Variants in GLG1 observed in about 807,000 individuals in gnomAD.
The protein encoded by GLG1 is golgi glycoprotein 1.
A neutral mutation model predicts 160.5 loss-of-function variants in GLG1; 38 were observed. The ratio of observed to expected loss-of-function variants is 0.24; its 90% CI spans 0.18 to 0.31. GLG1 has a LOEUF of 0.31. Ranked by LOEUF, GLG1 falls within the 10% of genes least tolerant of loss-of-function variation. The probability of loss-of-function intolerance (pLI) is 1.00; values close to 1 mark genes in which losing one functional copy is unlikely to be tolerated. For missense variants in GLG1, 1,373 were observed against 1,505.2 expected (o/e 0.91, Z 1.45); for synonymous variants, 644 against 543.4 (o/e 1.19, Z -2.57).
intron 1 of GLG1, among the ~76,000 whole-genome samples, chr16:74,550,320 C>T (rs2018163695): frequency 6.6e-6 from 1 of 152,080 alleles, no homozygotes; most frequent in South Asian, 2.1e-4. Flanking sequence ...AGAAAGAGCT[C>T]GAAGTCTCAA....
intron 11 of GLG1, among the ~76,000 whole-genome samples, chr16:74,479,015 G>A (rs2015496969): frequency 8.4e-6 from 1 of 119,426 alleles, no homozygotes; most frequent in Non-Finnish European, 1.6e-5. Flanking sequence ...AGACCAACCT[G>A]GCCAACATGG....
At chr16:74,565,007 T>C (rs916121963) in intron 1 of GLG1, among the ~76,000 whole-genome samples, 3 of 152,214 alleles carry the variant, frequency 2.0e-5, no homozygotes, top group Non-Finnish European at 4.4e-5. Context: ...CATTTATGGA[T>C]GCCTAAAGTT....
chr16:74,476,516 G>A (rs142909967), intron 12 of GLG1, among the ~76,000 whole-genome samples: 1 of 152,252 alleles, frequency 6.6e-6, no homozygotes, highest in East Asian at 1.9e-4. Context: ...CTTCCAGAGG[G>A]GGTTTTGTAG....
At chr16:74,545,824 C>T (rs995642776) in intron 1 of GLG1, among the ~76,000 whole-genome samples, 1 of 152,168 alleles carries the variant, frequency 6.6e-6, no homozygotes, top group African/African-American at 2.4e-5. Context: ...TCATGCCTAC[C>T]ACTTCCAGTC....
At chr16:74,594,725 A>G (rs1369446015) in intron 1 of GLG1, among the ~76,000 whole-genome samples, 1 of 151,580 alleles carries the variant, frequency 6.6e-6, no homozygotes, top group Admixed American at 6.6e-5. Flanking sequence ...ACTCATGAAC[A>G]AGATTAGGAG....
At chr16:74,553,847 G>C (rs1398812370) in intron 1 of GLG1, among the ~76,000 whole-genome samples, 1 of 152,050 alleles carries the variant, frequency 6.6e-6, no homozygotes, top group Admixed American at 6.5e-5. Context: ...TATCATTTTG[G>C]TCTTCTTGTG....
intron 1 of GLG1, among the ~76,000 whole-genome samples, chr16:74,564,316 T>C (rs909582377): frequency 2.0e-5 from 3 of 152,190 alleles, no homozygotes; most frequent in Non-Finnish European, 4.4e-5. Context: ...TTGAAATGAG[T>C]AGATTGTTTA....
intron 2 of GLG1, among the ~76,000 whole-genome samples, chr16:74,511,889 C>T (rs891716456): frequency 3.3e-5 from 5 of 152,074 alleles, no homozygotes; most frequent in African/African-American, 1.2e-4. Context: ...AGAACCATGA[C>T]AGTATTGTCA....
rs2016962044 is a variant in GLG1 at position 74,515,877 on chromosome 16, A to T, written c.472-6952T>A. Among the ~76,000 whole-genome samples, 2 of 150,160 alleles carry T rather than the reference A, an allele frequency of 1.3e-5. 1 individual carries two copies. The highest frequency in any genetic ancestry group is 5.0e-5 in the African/African-American group (2 of 40,030). On this transcript the variant is annotated intron_variant, in intron 2 of 25. Transcript: ENST00000422840. ...AGATCTACCAAGCAAATGGAAAACA[A>T]AAAAAGGCAGGGGTTGCAATCCTAG...
At chr16:74,596,739 G>A (rs184021787) in intron 1 of GLG1, among the ~76,000 whole-genome samples, 1 of 152,160 alleles carries the variant, frequency 6.6e-6, no homozygotes, top group Non-Finnish European at 1.5e-5. Context: ...CACACAGCTG[G>A]ACTGACTTGT....
chr16:74,537,963 A>C (rs3096402), intron 1 of GLG1, among the ~76,000 whole-genome samples: 6 of 152,280 alleles, frequency 3.9e-5, no homozygotes, highest in Non-Finnish European at 5.9e-5. Flanking sequence ...ATGAGTCTGG[A>C]AGGAGAAATT....
intron 1 of GLG1, among the ~76,000 whole-genome samples, chr16:74,532,805 A>G (rs1029667030): frequency 2.6e-5 from 4 of 152,112 alleles, no homozygotes; most frequent in African/African-American, 7.2e-5. Flanking sequence ...GGGATTACAG[A>G]TGTGAATTAC....
At chr16:74,588,730 T>C (rs187558088) in intron 1 of GLG1, among the ~76,000 whole-genome samples, 1 of 152,216 alleles carries the variant, frequency 6.6e-6, no homozygotes. Flanking sequence ...GTTCTTAACA[T>C]TATGTGACTT....
At chr16:74,593,692 C>T (rs1212647891) in intron 1 of GLG1, among the ~76,000 whole-genome samples, 4 of 151,948 alleles carry the variant, frequency 2.6e-5, no homozygotes, top group Non-Finnish European at 4.4e-5. Flanking sequence ...GCCTCGGCCT[C>T]GCAAAGTGCT....
intron 1 of GLG1, among the ~76,000 whole-genome samples, chr16:74,564,136 T>A (rs2018585455): frequency 6.6e-6 from 1 of 152,188 alleles, no homozygotes; most frequent in African/African-American, 2.4e-5. Flanking sequence ...GCCTACGCTG[T>A]CTTGAACTCC....
Position 74,450,781 on chromosome 16 carries a change from G to C in GLG1, c.*2386C>G, listed in dbSNP as rs1374061513. On this transcript the variant is annotated 3_prime_UTR_variant, in exon 26 of 26. Transcript: ENST00000422840. Reference sequence around the variant, plus strand: ...GAGAATTGCTTGAACCCAGGAGGTGGAGGTTGCAGGGAGCTGAGATCGCGC... The same window carrying C: ...GAGAATTGCTTGAACCCAGGAGGTGCAGGTTGCAGGGAGCTGAGATCGCGC... The C allele has an allele frequency of 1.3e-5, 2 of 151,702 alleles. No individual in the cohort carries two copies. The highest frequency in any genetic ancestry group is 2.9e-5 in the Non-Finnish European group (2 of 68,012). The allele number at this position is 151,702 out of a possible 1,614,324, so 9.4% of individuals were successfully genotyped here.
Position 74,457,881 on chromosome 16 carries a change from G to A in GLG1, c.3258C>T (p.Arg1086=), listed in dbSNP as rs148460697. ...KHHCAAITPG[R]GRQMSCLMEA... ...GTGAACACAGAGACTTACGACGCCC[G>A]CGGCCAGGGGTGATGGCTGCGCAGT... The change falls in exon 24 of 26, where the codon CGC becomes CGT. Residue 1086 remains arginine (R), a synonymous_variant. Transcript: ENST00000422840. 49 of 1,613,674 alleles carry A rather than the reference G, an allele frequency of 3.0e-5. No individual in the cohort carries two copies. Among genetic ancestry groups the A allele is most frequent in the African/African-American group, 5.3e-5 (4 of 74,906 alleles).
intron 24 of GLG1, 76 bp downstream of exon 24, chr16:74,457,798 A>G: frequency 7.2e-7 from 1 of 1,382,804 alleles, no homozygotes; most frequent in Non-Finnish European, 1.0e-6. Context: ...CAGTAGCTGC[A>G]ACTGATGTCT....
chr16:74,551,411 C>A (rs1225962187), intron 1 of GLG1, among the ~76,000 whole-genome samples: 1 of 151,640 alleles, frequency 6.6e-6, no homozygotes, highest in East Asian at 1.9e-4. Flanking sequence ...TCAAGCAATC[C>A]TCCTCTCTCA....
Sources: allele counts gnomAD v4.1 joint callset (sites outside exome capture counted in the v4.1 genomes callset), GRCh38; gene constraint gnomAD v4.1.1; transcripts MANE v1.5; gene names NCBI Gene and HGNC (gene_info 2026-07-23, HGNC 2026-07-21).